The following PLXDC2 variants were observed in gnomAD, a reference collection of about 807,000 sequenced individuals.
The protein encoded by PLXDC2 is plexin domain containing 2.
In PLXDC2, 40 loss-of-function variants were observed where a neutral mutation model predicts 68.9. The observed-to-expected ratio is 0.58, with a 90% CI of 0.45 to 0.76. PLXDC2 has a LOEUF of 0.76. Ranked by LOEUF, PLXDC2 falls within the 30% of genes least tolerant of loss-of-function variation. The pLI is 0.00. For missense variants in PLXDC2, 644 were observed against 661.9 expected (o/e 0.97, Z 0.30); for synonymous variants, 243 against 234.2 (o/e 1.04, Z -0.34).
chr10:20,035,909 A>G (rs541829229), intron 2 of PLXDC2, among the ~76,000 whole-genome samples: 1 of 152,260 alleles, frequency 6.6e-6, no homozygotes, highest in African/African-American at 2.4e-5. Flanking sequence ...AAATTTTTGC[A>G]TAATTCTTTT....
At position 19,991,234 on chromosome 10, in the gene PLXDC2, G is replaced by A. The variant is rs1042735603; in HGVS notation, c.113-10541G>A. On this transcript the variant is annotated intron_variant, in intron 1 of 13. Coordinates refer to ENST00000377252, the MANE Select transcript of PLXDC2 (RefSeq NM_032812.9). ...GCACTCTAGCCTGGGCAACAAGACC[G>A]AAACTCTCTCTCAAAAAAAAAAAAA... Among the ~76,000 whole-genome samples the A allele has an allele frequency of 6.0e-4, 84 of 138,940 alleles. 2 individuals are homozygous for A. The highest frequency in any genetic ancestry group is 2.6e-4 in the South Asian group (1 of 3,902). The allele number at this position is 138,940 out of a possible 152,430, so 91.2% of individuals were successfully genotyped here. A position where few individuals can be genotyped will look rare whatever the true frequency, so the allele number is the denominator to read the frequency against.
intron 2 of PLXDC2, among the ~76,000 whole-genome samples, chr10:20,036,151 C>T (rs1023097340): frequency 4.6e-5 from 7 of 152,048 alleles, no homozygotes; most frequent in African/African-American, 1.7e-4. Flanking sequence ...TAACGTTGTA[C>T]CCCCCGCCCA....
intron 1 of PLXDC2, among the ~76,000 whole-genome samples, chr10:19,825,371 C>T (rs1480626079): frequency 4.6e-5 from 7 of 152,132 alleles, no homozygotes; most frequent in African/African-American, 1.7e-4. Context: ...AGTCAATTCT[C>T]TATGTATTCC....
intron 4 of PLXDC2, among the ~76,000 whole-genome samples, chr10:20,140,268 C>T (rs952166400): frequency 1.3e-5 from 2 of 151,958 alleles, no homozygotes; most frequent in South Asian, 4.2e-4. Flanking sequence ...CACTGCACTC[C>T]AGCCTGGGCG....
intron 1 of PLXDC2, among the ~76,000 whole-genome samples, chr10:19,863,152 G>A (rs1310018891): frequency 2.6e-4 from 39 of 152,072 alleles, no homozygotes; most frequent in Admixed American, 2.6e-3. Context: ...ATTTTTAATG[G>A]CATCGGAGAA....
At chr10:20,081,520 A>G (rs1361787314) in intron 4 of PLXDC2, among the ~76,000 whole-genome samples, 2 of 152,224 alleles carry the variant, frequency 1.3e-5, no homozygotes, top group Non-Finnish European at 2.9e-5. Context: ...GAAGAGAAGA[A>G]AAAGAGAAAG....
intron 3 of PLXDC2, among the ~76,000 whole-genome samples, chr10:20,062,422 C>CAATA (rs563388823): frequency 2.4e-4 from 37 of 151,494 alleles, no homozygotes; most frequent in African/African-American, 8.5e-4. Context: ...GACTCCATCT[C>CAATA]AATAAATAAA....
intron 1 of PLXDC2, among the ~76,000 whole-genome samples, chr10:19,940,372 G>T (rs72785848): frequency 0.048 from 7,302 of 152,120 alleles, 233 homozygotes; most frequent in Middle Eastern, 0.095. Context: ...GAAACCATTT[G>T]CATGATTTAT....
chr10:20,275,699 G>A (rs1835997884), intron 13 of PLXDC2, among the ~76,000 whole-genome samples: 1 of 152,020 alleles, frequency 6.6e-6, no homozygotes, highest in South Asian at 2.1e-4. Context: ...GATCATTTGA[G>A]GTCAGGAGTT....
chr10:20,191,209 C>T (rs1248648313), intron 9 of PLXDC2, among the ~76,000 whole-genome samples: 1 of 151,822 alleles, frequency 6.6e-6, no homozygotes, highest in Non-Finnish European at 1.5e-5. Flanking sequence ...CAAAGGTCAA[C>T]ATTTTAATTT....
chr10:20,236,903 A>G (rs1464709020), intron 12 of PLXDC2, among the ~76,000 whole-genome samples: 4 of 152,020 alleles, frequency 2.6e-5, no homozygotes, highest in Non-Finnish European at 5.9e-5. Context: ...CAAATCCCTC[A>G]TTTTGATAGA....
At chr10:19,930,941 G>T (rs1477297372) in intron 1 of PLXDC2, among the ~76,000 whole-genome samples, 1 of 152,136 alleles carries the variant, frequency 6.6e-6, no homozygotes, top group African/African-American at 2.4e-5. Context: ...TCCAGCCTGG[G>T]CGACAGAGAG....
At chr10:20,127,445 G>T (rs111618567) in intron 4 of PLXDC2, among the ~76,000 whole-genome samples, 15 of 152,262 alleles carry the variant, frequency 9.9e-5, no homozygotes, top group Non-Finnish European at 1.9e-4. Context: ...CCAGAGGCTG[G>T]ATTTTGGGCA....
chr10:20,256,029 T>G (rs1017005940), intron 13 of PLXDC2, among the ~76,000 whole-genome samples: 2 of 152,190 alleles, frequency 1.3e-5, no homozygotes, highest in Non-Finnish European at 2.9e-5. Context: ...TTACTACATT[T>G]GTATTCTAAT....
chr10:20,186,725 C>T (rs2131834880), intron 9 of PLXDC2, among the ~76,000 whole-genome samples: 1 of 151,956 alleles, frequency 6.6e-6, no homozygotes, highest in South Asian at 2.1e-4. Context: ...TTCATCCATG[C>T]TCCTGCAAAG....
intron 4 of PLXDC2, among the ~76,000 whole-genome samples, chr10:20,085,496 G>A (rs746332681): frequency 9.2e-5 from 14 of 152,154 alleles, no homozygotes; most frequent in Non-Finnish European, 1.6e-4. Context: ...AATTTGCATA[G>A]CATCCACATT....
chr10:19,861,758 G>GT (rs1837323052), intron 1 of PLXDC2, among the ~76,000 whole-genome samples: 2 of 152,268 alleles, frequency 1.3e-5, no homozygotes, highest in Admixed American at 6.5e-5. Flanking sequence ...CTCCACCTCA[G>GT]CTAGAGTTGG....
At chr10:20,077,745 T>C (rs964541439) in intron 4 of PLXDC2, among the ~76,000 whole-genome samples, 4 of 152,214 alleles carry the variant, frequency 2.6e-5, no homozygotes, top group Non-Finnish European at 5.9e-5. Context: ...AAAATTAAGA[T>C]AATTTAGAGC....
At chr10:19,851,008 T>C (rs1258213716) in intron 1 of PLXDC2, among the ~76,000 whole-genome samples, 1 of 152,172 alleles carries the variant, frequency 6.6e-6, no homozygotes, top group Non-Finnish European at 1.5e-5. Flanking sequence ...CAAGACCTAC[T>C]TCTTGCTTTT....
Sources: gnomAD v4.1 joint callset for allele counts (sites outside exome capture counted in the v4.1 genomes callset) on GRCh38, gnomAD v4.1.1 for gene constraint, MANE v1.5 for transcripts, NCBI Gene and HGNC (gene_info 2026-07-23, HGNC 2026-07-21) for gene names.